BABAM2: variants seen among roughly 807,000 people sequenced by gnomAD.
BABAM2 encodes BRISC and BRCA1 A complex member 2, also known as BRISC and BRCA1-A complex member 2.
BABAM2 carries 31 observed loss-of-function variants against 54.7 expected under a neutral mutation model. The observed-to-expected ratio is 0.57, with a 90% CI of 0.43 to 0.77. The LOEUF is 0.77. Among genes scored for constraint, BABAM2 ranks in the 30% least tolerant of loss-of-function variants. The pLI is 0.00. For missense variants in BABAM2, 364 were observed against 455.8 expected (o/e 0.80, Z 1.83); for synonymous variants, 167 against 162.9 (o/e 1.03, Z -0.19).
At chr2:28,001,431 A>G (rs1358725299) in intron 4 of BABAM2, among the ~76,000 whole-genome samples, 1 of 152,220 alleles carries the variant, frequency 6.6e-6, no homozygotes, top group Non-Finnish European at 1.5e-5. Flanking sequence ...TGTTTATTGA[A>G]TACCTCATAT....
At chr2:27,915,475 G>A (rs1308239328) in intron 2 of BABAM2, among the ~76,000 whole-genome samples, 1 of 151,956 alleles carries the variant, frequency 6.6e-6, no homozygotes, top group Non-Finnish European at 1.5e-5. Context: ...TATTTAACTT[G>A]CACAAGGCTT....
chr2:28,010,007 T>A (rs1260541040), intron 4 of BABAM2, among the ~76,000 whole-genome samples: 1 of 152,174 alleles, frequency 6.6e-6, no homozygotes. Context: ...GAAGGCCTCC[T>A]GTCTAAGCTC....
At chr2:28,142,128 A>T (rs1186595613) in intron 7 of BABAM2, among the ~76,000 whole-genome samples, 3 of 152,178 alleles carry the variant, frequency 2.0e-5, no homozygotes, top group Non-Finnish European at 4.4e-5. Flanking sequence ...ATTAAAGAGC[A>T]TATAATTTGA....
chr2:28,171,460 T>A (rs1464920992), intron 7 of BABAM2, among the ~76,000 whole-genome samples: 1 of 152,204 alleles, frequency 6.6e-6, no homozygotes, highest in Non-Finnish European at 1.5e-5. Flanking sequence ...AAGGTTGCTA[T>A]GAAGAGAGGA....
At chr2:27,939,637 A>G (rs1668735175) in intron 3 of BABAM2, among the ~76,000 whole-genome samples, 1 of 152,240 alleles carries the variant, frequency 6.6e-6, no homozygotes, top group South Asian at 2.1e-4. Context: ...AAGAATGTAC[A>G]GTCATTTGCA....
At chr2:28,022,960 A>T (rs1675381158) in intron 4 of BABAM2, among the ~76,000 whole-genome samples, 1 of 152,240 alleles carries the variant, frequency 6.6e-6, no homozygotes, top group Non-Finnish European at 1.5e-5. Context: ...TCAAACCACA[A>T]ATTACCTAAC....
intron 7 of BABAM2, among the ~76,000 whole-genome samples, chr2:28,184,490 C>G (rs1676060176): frequency 7.4e-6 from 1 of 134,426 alleles, no homozygotes; most frequent in African/African-American, 2.6e-5. Flanking sequence ...CCCCCCACCC[C>G]ATGACAGGCC....
intron 3 of BABAM2, among the ~76,000 whole-genome samples, chr2:27,974,702 G>A (rs985247699): frequency 8.5e-5 from 13 of 152,068 alleles, no homozygotes; most frequent in Admixed American, 3.3e-4. Flanking sequence ...ATGAGGCAAA[G>A]ATGTTCACTT....
At chr2:28,122,648 T>C (rs1397010640) in intron 6 of BABAM2, among the ~76,000 whole-genome samples, 1 of 152,258 alleles carries the variant, frequency 6.6e-6, no homozygotes, top group African/African-American at 2.4e-5. Flanking sequence ...TTTGTACCTA[T>C]ATTGACACTA....
chr2:28,153,228 T>C (rs1402436618), intron 7 of BABAM2, among the ~76,000 whole-genome samples: 1 of 152,234 alleles, frequency 6.6e-6, no homozygotes, highest in Non-Finnish European at 1.5e-5. Flanking sequence ...ATAAATGGCT[T>C]ATTTTTGCTT....
At chr2:28,271,093 A>G (rs1685389013) in intron 10 of BABAM2, among the ~76,000 whole-genome samples, 1 of 152,180 alleles carries the variant, frequency 6.6e-6, no homozygotes, top group East Asian at 1.9e-4. Flanking sequence ...AGTTTGGAAG[A>G]TAGCTGTCCA....
intron 3 of BABAM2, among the ~76,000 whole-genome samples, chr2:27,962,822 A>G (rs1670567722): frequency 1.3e-5 from 2 of 152,198 alleles, no homozygotes; most frequent in Admixed American, 1.3e-4. Flanking sequence ...CTAATTTACT[A>G]CCTATTGTAG....
intron 7 of BABAM2, among the ~76,000 whole-genome samples, 183 bp from the exon 8 acceptor site, chr2:28,237,019 A>G (rs1681977495): frequency 6.6e-6 from 1 of 152,222 alleles, no homozygotes; most frequent in Non-Finnish European, 1.5e-5. Context: ...AAACATGCTA[A>G]TTTATTTAAA....
intron 4 of BABAM2, among the ~76,000 whole-genome samples, chr2:27,998,866 A>G (rs972891827): frequency 6.6e-6 from 1 of 152,232 alleles, no homozygotes; most frequent in South Asian, 2.1e-4. Context: ...TTTTAGTAAC[A>G]TCAAAATTGT....
At chr2:27,994,771 T>C (rs992091767) in intron 4 of BABAM2, among the ~76,000 whole-genome samples, 1 of 152,226 alleles carries the variant, frequency 6.6e-6, no homozygotes, top group Admixed American at 6.5e-5. Flanking sequence ...TTCTTGTACA[T>C]GTCTTGGTTA....
chr2:27,970,050 C>T (rs1255443861), intron 3 of BABAM2, among the ~76,000 whole-genome samples: 1 of 152,028 alleles, frequency 6.6e-6, no homozygotes, highest in African/African-American at 2.4e-5. Context: ...CCCTTTGTAT[C>T]CTCATTTCCA....
chr2:28,138,297 A>G lies in BABAM2; in HGVS notation c.680+8917A>G, dbSNP rs902599606. On this transcript the variant is annotated intron_variant, in intron 7 of 11. Coordinates refer to ENST00000379624, the MANE Select transcript of BABAM2 (RefSeq NM_199191.3). ...TGAATCTCAAACAGGCCAAATAAAA[A>G]GAAATTGACACCTAGACATATCGTA... is the stretch of plus-strand genomic sequence containing the variant. 3.9e-5 allele frequency among the ~76,000 whole-genome samples: 6 copies of G among 152,208 alleles called. No individual in the cohort carries two copies. The South Asian group carries it at 1.2e-3, about 31-fold the overall frequency.
Position 27,928,552 on chromosome 2 carries a change from T to G in BABAM2, c.129-1280T>G, listed in dbSNP as rs147782465. Among the ~76,000 whole-genome samples, 961 of 152,314 alleles carry G rather than the reference T, an allele frequency of 6.3e-3. 7 individuals are homozygous for G. The highest frequency in any genetic ancestry group is 7.9e-3 in the Non-Finnish European group (535 of 68,026). On this transcript the variant is annotated intron_variant, in intron 2 of 11. Transcript: ENST00000379624. ...TTAAAGCCAAAATTTTTTGAATTTA[T>G]TTTTAAATGACTCTTGCCCTTCCAA...
At chr2:28,251,807 C>A (rs1683513360) in intron 10 of BABAM2, among the ~76,000 whole-genome samples, 1 of 152,120 alleles carries the variant, frequency 6.6e-6, no homozygotes, top group Non-Finnish European at 1.5e-5. Flanking sequence ...CAAGCCAAAT[C>A]TATAGAAAGT....
Sources: gnomAD v4.1 joint callset for allele counts (sites outside exome capture counted in the v4.1 genomes callset) on GRCh38, gnomAD v4.1.1 for gene constraint, MANE v1.5 for transcripts, NCBI Gene and HGNC (gene_info 2026-07-23, HGNC 2026-07-21) for gene names.